Variants in ACOX3 observed in about 807,000 individuals in gnomAD.
ACOX3 encodes the protein acyl-CoA oxidase 3, pristanoyl, also known as peroxisomal acyl-coenzyme A oxidase 3.
A neutral mutation model predicts 81.5 loss-of-function variants in ACOX3; 73 were observed. The ratio of observed to expected loss-of-function variants is 0.90; its 90% CI spans 0.74 to 1.09. ACOX3 has a LOEUF of 1.09. Among genes scored for constraint, ACOX3 ranks in the 50% least tolerant of loss-of-function variants. The pLI, the probability that ACOX3 is intolerant of heterozygous loss-of-function variation, is 0.00. For missense variants in ACOX3, 947 were observed against 928.0 expected (o/e 1.02, Z -0.27); for synonymous variants, 387 against 375.1 (o/e 1.03, Z -0.37).
chr4:8,397,627 C>T lies in ACOX3; in HGVS notation c.874-508G>A, dbSNP rs531379216. ...AGCTGGAATCTTCCGTCCACTATCT[C>T]CTCGCACGCATCAGCGGCGTCAGCA... On this transcript the variant is annotated intron_variant, in intron 8 of 17. Coordinates refer to ENST00000356406, the MANE Select transcript of ACOX3 (RefSeq NM_003501.3). Among the ~76,000 whole-genome samples the T allele has an allele frequency of 1.1e-4, 17 of 152,362 alleles. No individual in the cohort carries two copies. In the South Asian group the frequency reaches 3.5e-3, roughly 32 times the overall value.
intron 1 of ACOX3, among the ~76,000 whole-genome samples, chr4:8,418,142 GAAGAT>G (rs777360652): frequency 7.2e-5 from 11 of 152,164 alleles, no homozygotes; most frequent in East Asian, 1.9e-4. Flanking sequence ...AAACAGAAGA[GAAGAT>G]AATACTTCCC....
In ACOX3 at chr4:8,375,242, G is replaced by T. The variant is rs928141296; in HGVS notation, c.1654-90C>A. 1.1e-5 allele frequency: 14 copies of T among 1,292,592 alleles called. No homozygotes were observed. The Admixed American group carries it at 3.3e-4, about 31-fold the overall frequency. The allele number at this position is 1,292,592 out of a possible 1,614,324, so 80.1% of individuals were successfully genotyped here. A position where few individuals can be genotyped will look rare whatever the true frequency, so the allele number is the denominator to read the frequency against. On this transcript the variant is annotated intron_variant, in intron 14 of 17. Transcript: ENST00000356406. ...GGAAGTTCTCAGGAAACACGAACGC[G>T]GGTCTGCGTTCCCGTGCATGTCCTA...
rs1276017068 is a variant in ACOX3 at position 8,385,423 on chromosome 4, T to G, written c.1537+3750A>C. ...CTCACACATGACCCTATGTCACCTC[T>G]GGCCCACATCCCATGACCTTGCAGT... On this transcript the variant is annotated intron_variant, in intron 13 of 17. Transcript: ENST00000356406. The surrounding 1 kb of genome is among the most constrained non-coding windows in gnomAD (Gnocchi z 5.5). 6.6e-6 allele frequency among the ~76,000 whole-genome samples: 1 copy of G among 152,210 alleles called. No individual in the cohort carries two copies. Among genetic ancestry groups the G allele is most frequent in the African/African-American group, 2.4e-5 (1 of 41,446 alleles).
In ACOX3 at chr4:8,431,287, T is replaced by C. The variant is rs1723937288; in HGVS notation, c.-15+9361A>G. 6.6e-6 allele frequency among the ~76,000 whole-genome samples: 1 copy of C among 152,236 alleles called. No individual in the cohort carries two copies. On this transcript the variant is annotated intron_variant, in intron 1 of 17. Transcript: ENST00000356406. The surrounding 1 kb of genome is among the most constrained non-coding windows in gnomAD (Gnocchi z 5.3). ...GCCCCCTGACTTCACTCTCTCCATTTAGTTTCCCAGATTGGCATCTGCAGG... is the reference window on the plus strand; with the variant it reads ...GCCCCCTGACTTCACTCTCTCCATTCAGTTTCCCAGATTGGCATCTGCAGG...
At chr4:8,373,507 T>C in intron 16 of ACOX3, 54 bp downstream of exon 16, 1 of 1,591,472 alleles carries the variant, frequency 6.3e-7, no homozygotes, top group South Asian at 1.1e-5. Flanking sequence ...TGCGTGTCGC[T>C]CTGGGCGGTT....
chr4:8,427,622 C>A (rs1223540346), intron 1 of ACOX3, among the ~76,000 whole-genome samples: 1 of 152,226 alleles, frequency 6.6e-6, no homozygotes, highest in African/African-American at 2.4e-5. Flanking sequence ...TGACCCACAG[C>A]TTCTAATAGA....
Position 8,431,841 on chromosome 4 carries a change from T to G in ACOX3, c.-15+8807A>C, listed in dbSNP as rs1353956874. Among the ~76,000 whole-genome samples the G allele has an allele frequency of 6.6e-6, 1 of 152,276 alleles. No homozygotes were observed. The highest frequency in any genetic ancestry group is 2.4e-5 in the African/African-American group (1 of 41,472). Reference sequence around the variant, plus strand: ...TGCTCAGTTTTAGACCTTGGTGCTATTGACTGTCATTGGCCATTGTTGTTA... The same window carrying G: ...TGCTCAGTTTTAGACCTTGGTGCTAGTGACTGTCATTGGCCATTGTTGTTA... On this transcript the variant is annotated intron_variant, in intron 1 of 17. Coordinates refer to ENST00000356406, the MANE Select transcript of ACOX3 (RefSeq NM_003501.3). This position sits in a 1 kb window ranked among gnomAD's most constrained non-coding sequence, Gnocchi z 5.3.
rs1199238683 is a variant in ACOX3, at chr4:8,386,767, A to C, written c.1537+2406T>G. Among the ~76,000 whole-genome samples, 1 of 152,128 alleles carries C rather than the reference A, an allele frequency of 6.6e-6. No homozygotes were observed. Among genetic ancestry groups the C allele is most frequent in the Non-Finnish European group, 1.5e-5 (1 of 68,024 alleles). ...TGATGACGATGCTGACGGTGCGGGC[A>C]GGGGAAGGCGCTGGGAAGCCGGACC... On this transcript the variant is annotated intron_variant, in intron 13 of 17. Coordinates refer to ENST00000356406, the MANE Select transcript of ACOX3 (RefSeq NM_003501.3). This position sits in a 1 kb window ranked among gnomAD's most constrained non-coding sequence, Gnocchi z 5.2.
intron 10 of ACOX3, among the ~76,000 whole-genome samples, chr4:8,392,768 A>AAT (rs1719151676): frequency 6.6e-6 from 1 of 152,206 alleles, no homozygotes; most frequent in Non-Finnish European, 1.5e-5. Flanking sequence ...CACTTTATAT[A>AAT]AAGTTCACAA....
intron 16 of ACOX3, among the ~76,000 whole-genome samples, chr4:8,372,835 G>A (rs1405874136): frequency 3.3e-5 from 5 of 152,210 alleles, no homozygotes; most frequent in Non-Finnish European, 5.9e-5. Flanking sequence ...GTGGAATGAC[G>A]TCTCCACGGA....
At position 8,375,129 on chromosome 4, in the gene ACOX3, C is replaced by T. The variant is rs1326481280; in HGVS notation, c.1677G>A (p.Ala559=). 10 of 1,549,356 alleles carry T rather than the reference C, an allele frequency of 6.5e-6. No homozygotes were observed. The East Asian group carries it at 7.2e-5, about 11-fold the overall frequency. ...KCQVSHGRPL[A]LAFVELTVVQ... ...CCACCGTGAGCTCCACGAAGGCCAG[C>T]GCCAACGGACGGCCGTGGGACACCT... is the stretch of plus-strand genomic sequence containing the variant. Residue 559 remains alanine (A), a synonymous_variant, in exon 15 of 18, where the codon GCG becomes GCA. Transcript: ENST00000356406.
At position 8,394,873 on chromosome 4, in the gene ACOX3, C is replaced by G; in HGVS notation, c.1057-131G>C. ...CACCCACTAGCGCTGAAGGTCTTCA[C>G]ATGTCTTCCCGGCACATCAGAAAGC... On this transcript the variant is annotated intron_variant, in intron 9 of 17. Transcript: ENST00000356406. This position sits in a 1 kb window ranked among gnomAD's most constrained non-coding sequence, Gnocchi z 5.9. 1 of 1,240,630 alleles carries G rather than the reference C, an allele frequency of 8.1e-7. No individual in the cohort carries two copies. Among genetic ancestry groups the G allele is most frequent in the Non-Finnish European group, 1.1e-6 (1 of 920,436 alleles). 76.9% of individuals were successfully genotyped at this position (1,240,630 alleles called of 1,614,324 possible). A position where few individuals can be genotyped will look rare whatever the true frequency, so the allele number is the denominator to read the frequency against.
rs565018400 is a variant in ACOX3 at position 8,407,856 on chromosome 4, C to T, written c.688-1813G>A. 4.9e-4 allele frequency among the ~76,000 whole-genome samples: 74 copies of T among 152,322 alleles called. No individual in the cohort carries two copies. Among genetic ancestry groups the T allele is most frequent in the Middle Eastern group, 3.4e-3 (1 of 294 alleles). On this transcript the variant is annotated intron_variant, in intron 6 of 17. Coordinates refer to ENST00000356406, the MANE Select transcript of ACOX3 (RefSeq NM_003501.3). This position sits in a 1 kb window ranked among gnomAD's most constrained non-coding sequence, Gnocchi z 4.6. ...ACAGCAGGGATTCCCAACCATGAGACGTGCCACCTTCCCCTTCCCCACCAG... is the reference window on the plus strand; with the variant it reads ...ACAGCAGGGATTCCCAACCATGAGATGTGCCACCTTCCCCTTCCCCACCAG...
chr4:8,427,054 G>T (rs1723559958), intron 1 of ACOX3, among the ~76,000 whole-genome samples: 1 of 152,158 alleles, frequency 6.6e-6, no homozygotes, highest in African/African-American at 2.4e-5. Context: ...TTCCTAGGCC[G>T]ACTAAGAATT....
chr4:8,363,316 G>A (rs1427968517), downstream of ACOX3, among the ~76,000 whole-genome samples: 1 of 152,174 alleles, frequency 6.6e-6, no homozygotes, highest in Non-Finnish European at 1.5e-5. Context: ...CTTTGTGTAG[G>A]AATATAGGAC....
chr4:8,405,837 T>G lies in ACOX3; in HGVS notation c.776+118A>C. ...GGGCTAGGCGTAGGTCCCCACCGCA[T>G]TTGAGTCTAAGAGGGCAGGGCATGG... On this transcript the variant is annotated intron_variant, in intron 7 of 17. Transcript: ENST00000356406. This position sits in a 1 kb window ranked among gnomAD's most constrained non-coding sequence, Gnocchi z 7.1. 10 of 1,041,470 alleles carry G rather than the reference T, an allele frequency of 9.6e-6. No homozygotes were observed. Among genetic ancestry groups the G allele is most frequent in the Non-Finnish European group, 1.3e-5 (9 of 672,132 alleles). 64.5% of individuals were successfully genotyped at this position (1,041,470 alleles called of 1,614,324 possible).
At chr4:8,387,075 C>T (rs1718401355) in intron 13 of ACOX3, among the ~76,000 whole-genome samples, 1 of 152,252 alleles carries the variant, frequency 6.6e-6, no homozygotes, top group Non-Finnish European at 1.5e-5. Context: ...GAGCATCCTC[C>T]ATCTCCAAGT....
rs1387552318 is a variant in ACOX3 at position 8,385,881 on chromosome 4, C to T, written c.1537+3292G>A. Among the ~76,000 whole-genome samples the T allele has an allele frequency of 6.6e-6, 1 of 152,220 alleles. No individual in the cohort carries two copies. Among genetic ancestry groups the T allele is most frequent in the East Asian group, 1.9e-4 (1 of 5,192 alleles). On this transcript the variant is annotated intron_variant, in intron 13 of 17. Transcript: ENST00000356406. This position sits in a 1 kb window ranked among gnomAD's most constrained non-coding sequence, Gnocchi z 5.5. ...CTTGAGACGATGGGGCTGGCAGAAC[C>T]CACAAGCTTCCCTGCGGCGTGAGGG...
chr4:8,431,556 C>A lies in ACOX3; in HGVS notation c.-15+9092G>T, dbSNP rs1723955927. Among the ~76,000 whole-genome samples the A allele has an allele frequency of 6.6e-6, 1 of 152,230 alleles. No homozygotes were observed. Among genetic ancestry groups the A allele is most frequent in the Non-Finnish European group, 1.5e-5 (1 of 68,048 alleles). On this transcript the variant is annotated intron_variant, in intron 1 of 17. Transcript: ENST00000356406. The surrounding 1 kb of genome is among the most constrained non-coding windows in gnomAD (Gnocchi z 5.3). ...GGGACCTGGGTGGATGGAGATGCCA[C>A]TGGGACTGACACCAAGGGAGCAAAT... is the stretch of plus-strand genomic sequence containing the variant.
Sources: gnomAD v4.1 joint callset for allele counts (sites outside exome capture counted in the v4.1 genomes callset) on GRCh38, gnomAD v4.1.1 for gene constraint, Gnocchi (gnomAD v3.1) non-coding constraint, MANE v1.5 for transcripts, NCBI Gene and HGNC (gene_info 2026-07-23, HGNC 2026-07-21) for gene names.